MAGEL2: variants seen among roughly 807,000 people sequenced by gnomAD.
MAGEL2 encodes MAGE family member L2, also known as MAGE-like protein 2.
For synonymous variants in MAGEL2, 792 were observed against 721.7 expected, an observed-to-expected ratio of 1.10 and a Z score of -1.56; for missense variants, 1,830 against 1,699.2, an observed-to-expected ratio of 1.08 and a Z score of -1.35.
Position 23,643,894 on chromosome 15 carries a change from G to A in MAGEL2, c.*99C>T, listed in dbSNP as rs1890333644. On this transcript the variant is annotated 3_prime_UTR_variant, in exon 1 of 1. Transcript: ENST00000650528. ...AAGTTGAAAATCCAAACGTACACTC[G>A]TGGAACTGGAACACAAACACCAGGA... The A allele has an allele frequency of 5.3e-6, 7 of 1,326,310 alleles. No homozygotes were observed. Among genetic ancestry groups the A allele is most frequent in the South Asian group, 1.8e-5 (1 of 55,586 alleles). The allele number at this position is 1,326,310 out of a possible 1,614,324, so 82.2% of individuals were successfully genotyped here.
rs1216919340 is a variant in MAGEL2, at chr15:23,647,523, C to G, written c.220G>C (p.Ala74Pro). Residue 74 changes from alanine to proline, a missense_variant, in exon 1 of 1, where the codon GCC becomes CCC. Transcript: ENST00000650528. The part of the protein sequence containing the change: ...AWEAPQGQLP[A>P]PVVPMTQPPA... The stretch of plus-strand genomic sequence containing the variant: ...GGCTGGGTCATCGGAACCACCGGGG[C>G]GGGCAGCTGGCCCTGTGGGGCCTCC... The G allele has an allele frequency of 6.5e-7, 1 of 1,530,660 alleles. No individual in the cohort carries two copies. Among genetic ancestry groups the G allele is most frequent in the Admixed American group, 2.0e-5 (1 of 50,110 alleles). 94.8% of individuals were successfully genotyped at this position (1,530,660 alleles called of 1,614,324 possible).
At position 23,645,775 on chromosome 15, in the gene MAGEL2, T is replaced by A. The variant is rs779097539; in HGVS notation, c.1968A>T (p.Gln656His). Residue 656 changes from glutamine to histidine, a missense_variant, in exon 1 of 1, where the codon CAA (glutamine) becomes CAT (histidine). By Grantham distance (24) the Gln-to-His change is conservative. Coordinates refer to ENST00000650528, the MANE Select transcript of MAGEL2 (RefSeq NM_019066.5). ...EQPFQGAPPS[Q>H]KAVQIQLPPQ... ...GGGGTAGCTGGATTTGCACGGCTTT[T>A]TGGGAGGGCGGGGCTCCCTGAAAGG... 6.3e-7 allele frequency: 1 copy of A among 1,585,214 alleles called. No individual in the cohort carries two copies. The highest frequency in any genetic ancestry group is 8.6e-7 in the Non-Finnish European group (1 of 1,167,416).
Position 23,646,141 on chromosome 15 carries a change from C to G in MAGEL2, c.1602G>C (p.Pro534=). ...GCACCTGCGGCGCCGCCTGCACCTG[C>G]GGGGCCGGCAGCCTAGCCTGCGGGG... ...RQAPQARLPA[P]QVQAAPQVPT... The change falls in exon 1 of 1, where the codon CCG becomes CCC. Residue 534 remains proline (P), a synonymous_variant. Transcript: ENST00000650528. The surrounding 1 kb of genome is among the most constrained non-coding windows in gnomAD (Gnocchi z 4.2). The G allele has an allele frequency of 1.5e-6, 2 of 1,346,754 alleles. No individual in the cohort carries two copies. The highest frequency in any genetic ancestry group is 1.9e-6 in the Non-Finnish European group (2 of 1,057,524). 83.4% of individuals were successfully genotyped at this position (1,346,754 alleles called of 1,614,324 possible).
chr15:23,645,255 C>A lies in MAGEL2; in HGVS notation c.2488G>T (p.Ala830Ser). 6.2e-7 allele frequency: 1 copy of A among 1,613,812 alleles called. No individual in the cohort carries two copies. Among genetic ancestry groups the A allele is most frequent in the Non-Finnish European group, 8.5e-7 (1 of 1,179,880 alleles). Residue 830 changes from alanine (A) to serine (S), a missense_variant, in exon 1 of 1, where the codon GCC becomes TCC. Transcript: ENST00000650528. The part of the protein sequence containing the change: ...ALQDPFACVE[A>S]LPAVPWVPQP... ...GGGACCCATGGAACTGCAGGCAGGG[C>A]CTCTACACAGGCAAAGGGATCCTGC...
At position 23,646,938 on chromosome 15, in the gene MAGEL2, T is replaced by C; in HGVS notation, c.805A>G (p.Thr269Ala). ...MVQPPPAAMM[T>A]QPQPSGAPMA... ...GGTGCTCCTGAAGGCTGAGGCTGGG[T>C]CATCATGGCTGCTGGAGGCGGCTGG... The change falls in exon 1 of 1, where the codon ACC becomes GCC. Residue 269 changes from threonine (T) to alanine (A), a missense_variant. Thr to Ala is a moderately conservative substitution (Grantham distance 58, BLOSUM62 0). Transcript: ENST00000650528. The surrounding 1 kb of genome is among the most constrained non-coding windows in gnomAD (Gnocchi z 4.2). 6.5e-7 allele frequency: 1 copy of C among 1,536,530 alleles called. No individual in the cohort carries two copies. Among genetic ancestry groups the C allele is most frequent in the South Asian group, 1.2e-5 (1 of 84,038 alleles).
rs770005224 is a variant in MAGEL2, at chr15:23,644,716, A to G, written c.3027T>C (p.Asn1009=). The G allele has an allele frequency of 1.1e-5, 18 of 1,613,708 alleles. No individual in the cohort carries two copies. Among genetic ancestry groups the G allele is most frequent in the Non-Finnish European group, 1.4e-5 (17 of 1,179,878 alleles). The change falls in exon 1 of 1, where the codon AAT becomes AAC. Residue 1009 remains asparagine, a synonymous_variant. Coordinates refer to ENST00000650528, the MANE Select transcript of MAGEL2 (RefSeq NM_019066.5). ...VSPGSSATQD[N]SKVEAQPLSP... is the part of the protein sequence containing the mutation. ...ACAAGGGCTGTGCCTCCACCTTGGA[A>G]TTATCCTGGGTGGCACTGGATCCCG...
At position 23,646,254 on chromosome 15, in the gene MAGEL2, G is replaced by A. The variant is rs1416404751; in HGVS notation, c.1489C>T (p.Pro497Ser). 2.2e-6 allele frequency: 3 copies of A among 1,362,278 alleles called. No individual in the cohort carries two copies. The highest frequency in any genetic ancestry group is 9.4e-7 in the Non-Finnish European group (1 of 1,067,634). The allele number at this position is 1,362,278 out of a possible 1,614,324, so 84.4% of individuals were successfully genotyped here. A position where few individuals can be genotyped will look rare whatever the true frequency, so the allele number is the denominator to read the frequency against. ...RQAPPLIRQAPPPIRPAPQVL... is the reference protein window; with the variant it reads ...RQAPPLIRQASPPIRPAPQVL... ...TGTGGGGCAGGTCGGATGGGCGGCG[G>A]CGCCTGGCGGATCAGCGGCGGGGCC... The change falls in exon 1 of 1, where the codon CCG becomes TCG. Residue 497 changes from proline to serine, a missense_variant. Coordinates refer to ENST00000650528, the MANE Select transcript of MAGEL2 (RefSeq NM_019066.5). The surrounding 1 kb of genome is among the most constrained non-coding windows in gnomAD (Gnocchi z 4.2).
chr15:23,645,642 C>T lies in MAGEL2; in HGVS notation c.2101G>A (p.Val701Ile), dbSNP rs1890381686. 6.3e-7 allele frequency: 1 copy of T among 1,584,198 alleles called. No homozygotes were observed. Among genetic ancestry groups the T allele is most frequent in the Non-Finnish European group, 8.6e-7 (1 of 1,166,330 alleles). Residue 701 changes from valine (V) to isoleucine (I), a missense_variant, in exon 1 of 1, where the codon GTA (valine) becomes ATA (isoleucine). By Grantham distance (29) the Val-to-Ile change is conservative. Transcript: ENST00000650528. Reference sequence around the variant, plus strand: ...CCCAGGGGAAAATTTGCCGCTGCTACCGGGGGTCCGGGCTGGGCCTGCAAG... The same window carrying T: ...CCCAGGGGAAAATTTGCCGCTGCTATCGGGGGTCCGGGCTGGGCCTGCAAG... ...AVLQAQPGPPVAAANFPLGSA... is the reference protein window; with the variant it reads ...AVLQAQPGPPIAAANFPLGSA...
rs1397293592 is a variant in MAGEL2, at chr15:23,645,792, C to T, written c.1951G>A (p.Gly651Arg). 6.3e-7 allele frequency: 1 copy of T among 1,591,124 alleles called. No homozygotes were observed. ...PLVQLEQPFQ[G>R]APPSQKAVQI... ...ACGGCTTTTTGGGAGGGCGGGGCTC[C>T]CTGAAAGGGCTGCTCCAGCTGGACC... The change falls in exon 1 of 1, where the codon GGA becomes AGA. Residue 651 changes from glycine (G) to arginine (R), a missense_variant. By Grantham distance (125) the Gly-to-Arg change is moderately radical. Transcript: ENST00000650528.
chr15:23,646,624 TGGC>T lies in MAGEL2; in HGVS notation c.1116_1118del (p.Pro373del). ...AGCCTTGCTGCGTGGCCTGCCATCC[TGGC>T]GAGGTCGCCTGCCAGCCCGGGGGTG... is the stretch of plus-strand genomic sequence containing the variant. On this transcript the variant is annotated inframe_deletion, in exon 1 of 1. Coordinates refer to ENST00000650528, the MANE Select transcript of MAGEL2 (RefSeq NM_019066.5). The surrounding 1 kb of genome is among the most constrained non-coding windows in gnomAD (Gnocchi z 4.2). 1 of 1,475,856 alleles carries T rather than the reference TGGC, an allele frequency of 6.8e-7. No homozygotes were observed. The highest frequency in any genetic ancestry group is 1.4e-5 in the African/African-American group (1 of 71,466). The allele number at this position is 1,475,856 out of a possible 1,614,324, so 91.4% of individuals were successfully genotyped here.
At position 23,644,544 on chromosome 15, in the gene MAGEL2, T is replaced by G. The variant is rs1260658355; in HGVS notation, c.3199A>C (p.Asn1067His). The change falls in exon 1 of 1, where the codon AAT (asparagine) becomes CAT (histidine). Residue 1067 changes from asparagine to histidine, a missense_variant. Physicochemically the swap from Asn to His is moderately conservative, Grantham distance 68. Transcript: ENST00000650528. ...ECLDIINRAN[N>H]KLECAFGYQL... ...TAACCAAAGGCACACTCCAGCTTATTGTTGGCACGGTTGATGATATCTAAG... is the reference window on the plus strand; with the variant it reads ...TAACCAAAGGCACACTCCAGCTTATGGTTGGCACGGTTGATGATATCTAAG... The G allele has an allele frequency of 6.2e-7, 1 of 1,613,930 alleles. No individual in the cohort carries two copies. The highest frequency in any genetic ancestry group is 1.1e-5 in the South Asian group (1 of 91,058).
Position 23,647,142 on chromosome 15 carries a change from G to A in MAGEL2, c.601C>T (p.His201Tyr). The A allele has an allele frequency of 6.5e-7, 1 of 1,528,232 alleles. No homozygotes were observed. The highest frequency in any genetic ancestry group is 8.7e-7 in the Non-Finnish European group (1 of 1,142,952). 94.7% of individuals were successfully genotyped at this position (1,528,232 alleles called of 1,614,324 possible). A position where few individuals can be genotyped will look rare whatever the true frequency, so the allele number is the denominator to read the frequency against. Reference sequence around the variant, plus strand: ...ATCGGTGTCCCCGGAGGGGGAGGATGAGCCATCGGTGTCCCCGGAGGGGGA... The same window carrying A: ...ATCGGTGTCCCCGGAGGGGGAGGATAAGCCATCGGTGTCCCCGGAGGGGGA... ...HPPPPGTPMA[H>Y]PPPPGTPMAH... The change falls in exon 1 of 1, where the codon CAT becomes TAT. Residue 201 changes from histidine (H) to tyrosine (Y), a missense_variant. Transcript: ENST00000650528.
At position 23,647,223 on chromosome 15, in the gene MAGEL2, G is replaced by A; in HGVS notation, c.520C>T (p.Pro174Ser). Residue 174 changes from proline to serine, a missense_variant, in exon 1 of 1, where the codon CCT (proline) becomes TCT (serine). Physicochemically the swap from Pro to Ser is moderately conservative, Grantham distance 74. Coordinates refer to ENST00000650528, the MANE Select transcript of MAGEL2 (RefSeq NM_019066.5). ...PPGTPMAHPPPPGTPMVHPPP... is the reference protein window; with the variant it reads ...PPGTPMAHPPSPGTPMVHPPP... Reference sequence around the variant, plus strand: ...GGATGCACCATCGGGGTCCCCGGAGGAGGAGGATGGGCCATCGGGGTCCCC... The same window carrying A: ...GGATGCACCATCGGGGTCCCCGGAGAAGGAGGATGGGCCATCGGGGTCCCC... 6.6e-7 allele frequency: 1 copy of A among 1,523,632 alleles called. No homozygotes were observed. 94.4% of individuals were successfully genotyped at this position (1,523,632 alleles called of 1,614,324 possible).
In MAGEL2 at chr15:23,647,103, G is replaced by T. The variant is rs764429470; in HGVS notation, c.640C>A (p.Pro214Thr). The change falls in exon 1 of 1, where the codon CCT becomes ACT. Residue 214 changes from proline to threonine, a missense_variant. Physicochemically the swap from Pro to Thr is conservative, Grantham distance 38 (BLOSUM62 -1). Coordinates refer to ENST00000650528, the MANE Select transcript of MAGEL2 (RefSeq NM_019066.5). The stretch of plus-strand genomic sequence containing the variant: ...GGATGAGCCATCGGTGTCCCCGGAG[G>T]TGGAGGATGAGCCATCGGTGTCCCC... ...PPGTPMAHPP[P>T]PGTPMAHPPP... 11 of 1,532,842 alleles carry T rather than the reference G, an allele frequency of 7.2e-6. No individual in the cohort carries two copies. The highest frequency in any genetic ancestry group is 1.4e-5 in the African/African-American group (1 of 73,014). 95.0% of individuals were successfully genotyped at this position (1,532,842 alleles called of 1,614,324 possible).
rs753814885 is a variant in MAGEL2 at position 23,644,323 on chromosome 15, C to T, written c.3420G>A (p.Gly1140=). 2.7e-5 allele frequency: 43 copies of T among 1,613,638 alleles called. No individual in the cohort carries two copies. The African/African-American group carries it at 5.1e-4, about 19-fold the overall frequency. The part of the protein sequence containing the change: ...DLIFNFLFKL[G]LDVRETNGLF... ...GACCGTTTGTCTCCCGGACATCCAA[C>T]CCTAACTTGAACAGAAAATTAAAGA... The change falls in exon 1 of 1, where the codon GGG becomes GGA. Residue 1140 remains glycine (G), a synonymous_variant. Coordinates refer to ENST00000650528, the MANE Select transcript of MAGEL2 (RefSeq NM_019066.5).
In MAGEL2 at chr15:23,645,820, G is replaced by A. The variant is rs889987066; in HGVS notation, c.1923C>T (p.Pro641=). The A allele has an allele frequency of 5.0e-6, 8 of 1,587,820 alleles. No homozygotes were observed. In the South Asian group the frequency reaches 6.9e-5, roughly 14 times the overall value. Residue 641 remains proline (P), a synonymous_variant, in exon 1 of 1, where the codon CCC becomes CCT. Transcript: ENST00000650528. The part of the protein sequence containing the change: ...PAQEAQRQAP[P]LVQLEQPFQG... Reference sequence around the variant, plus strand: ...GAAAGGGCTGCTCCAGCTGGACCAAGGGGGGAGCCTGCCTCTGGGCCTCCT... The same window carrying A: ...GAAAGGGCTGCTCCAGCTGGACCAAAGGGGGAGCCTGCCTCTGGGCCTCCT...
rs1452777922 is a variant in MAGEL2 at position 23,645,403 on chromosome 15, C to G, written c.2340G>C (p.Pro780=). Residue 780 remains proline (P), a synonymous_variant, in exon 1 of 1, where the codon CCG becomes CCC. Coordinates refer to ENST00000650528, the MANE Select transcript of MAGEL2 (RefSeq NM_019066.5). ...CACTTGAGGAGGGAGCAAAGGTCTC[C>G]GGTGTGGCAGGCAGGTTTTTCCAGG... is the stretch of plus-strand genomic sequence containing the variant. The part of the protein sequence containing the change: ...PAAWKNLPAT[P]ETFAPSSSVF... The G allele has an allele frequency of 6.2e-7, 1 of 1,613,976 alleles. No homozygotes were observed. The highest frequency in any genetic ancestry group is 8.5e-7 in the Non-Finnish European group (1 of 1,179,890).
chr15:23,645,989 A>G lies in MAGEL2; in HGVS notation c.1754T>C (p.Ile585Thr), dbSNP rs1172790837. 2 of 1,555,488 alleles carry G rather than the reference A, an allele frequency of 1.3e-6. No homozygotes were observed. The highest frequency in any genetic ancestry group is 1.4e-5 in the African/African-American group (1 of 73,354). ...SAPQAVHCPS[I>T]IWQAPKGQPP... ...CTGACCTTTGGGGGCCTGCCAGATG[A>G]TGGAAGGGCAGTGCACAGCCTGCGG... Residue 585 changes from isoleucine to threonine, a missense_variant, in exon 1 of 1, where the codon ATC becomes ACC. By Grantham distance (89) the Ile-to-Thr change is moderately conservative (BLOSUM62 -1). Coordinates refer to ENST00000650528, the MANE Select transcript of MAGEL2 (RefSeq NM_019066.5).
rs1433843822 is a variant in MAGEL2, at chr15:23,647,353, C to T, written c.390G>A (p.Val130=). 3.9e-6 allele frequency: 6 copies of T among 1,528,182 alleles called. No homozygotes were observed. Among genetic ancestry groups the T allele is most frequent in the Non-Finnish European group, 5.2e-6 (6 of 1,143,902 alleles). The allele number at this position is 1,528,182 out of a possible 1,614,324, so 94.7% of individuals were successfully genotyped here. Residue 130 remains valine, a synonymous_variant, in exon 1 of 1, where the codon GTG becomes GTA. Transcript: ENST00000650528. ...TGGGAGCTCCGGGAGCTGAAGGATG[C>T]ACCATCAGGACTCCCGGGGTCGGAG... The part of the protein sequence containing the change: ...AQPPTPGVLM[V]HPSAPGAPMA...
Sources: allele counts gnomAD v4.1 joint callset, GRCh38; gene constraint gnomAD v4.1.1; non-coding constraint Gnocchi (gnomAD v3.1); transcripts MANE v1.5; gene names NCBI Gene and HGNC (gene_info 2026-07-23, HGNC 2026-07-21).